Variants in WDFY2 observed in about 807,000 individuals in gnomAD.
WDFY2 encodes WD repeat and FYVE domain containing 2, also known as WD repeat and FYVE domain-containing protein 2.
Under a neutral mutation model 56.4 loss-of-function variants are expected in WDFY2, and 36 were observed. The ratio of observed to expected loss-of-function variants is 0.64; its 90% CI spans 0.49 to 0.84. The LOEUF is 0.84. WDFY2 is among the 40% of genes least tolerant of loss of function. The pLI is 0.00. For missense variants in WDFY2, 444 were observed against 512.2 expected, an observed-to-expected ratio of 0.87 and a Z score of 1.29; for synonymous variants, 176 against 183.7, an observed-to-expected ratio of 0.96 and a Z score of 0.34.
chr13:51,695,339 G>T (rs1237173177), intron 3 of WDFY2, among the ~76,000 whole-genome samples: 1 of 152,138 alleles, frequency 6.6e-6, no homozygotes, highest in Non-Finnish European at 1.5e-5. Context: ...TTTGATGATG[G>T]TGATGTACAG....
At chr13:51,622,768 G>A (rs1954758369) in intron 1 of WDFY2, among the ~76,000 whole-genome samples, 1 of 151,924 alleles carries the variant, frequency 6.6e-6, no homozygotes, top group African/African-American at 2.4e-5. Context: ...AATAGTTACA[G>A]TAGAGTAGGG....
chr13:51,676,520 A>G (rs1168375892), intron 3 of WDFY2, among the ~76,000 whole-genome samples: 4 of 152,208 alleles, frequency 2.6e-5, no homozygotes, highest in African/African-American at 9.6e-5. Flanking sequence ...ACATGTAAAC[A>G]TGGAATGTGG....
chr13:51,629,277 A>T (rs778636962), intron 1 of WDFY2, among the ~76,000 whole-genome samples: 5 of 152,210 alleles, frequency 3.3e-5, no homozygotes, highest in Non-Finnish European at 7.3e-5. Flanking sequence ...ATTACAGTAG[A>T]TTTAGGAATG....
intron 1 of WDFY2, among the ~76,000 whole-genome samples, chr13:51,621,778 A>T (rs17075849): frequency 0.12 from 18,053 of 152,124 alleles, 1,564 homozygotes; most frequent in African/African-American, 0.21. Flanking sequence ...TGCAGTTAAG[A>T]TTAGACTGGT....
chr13:51,759,673 C>A, intron 11 of WDFY2, 67 bp from the exon 12 acceptor site: 3 of 1,508,408 alleles, frequency 2.0e-6, no homozygotes, highest in African/African-American at 1.4e-5. Flanking sequence ...TTGAAGAATT[C>A]AGTTCTAAGG....
intron 1 of WDFY2, among the ~76,000 whole-genome samples, chr13:51,604,025 C>A (rs188893292): frequency 7.2e-5 from 11 of 152,184 alleles, no homozygotes; most frequent in African/African-American, 2.6e-4. Flanking sequence ...GAATGCGGAC[C>A]CAGTGTCTCC....
At chr13:51,688,054 A>T (rs1244929741) in intron 3 of WDFY2, among the ~76,000 whole-genome samples, 1 of 152,194 alleles carries the variant, frequency 6.6e-6, no homozygotes, top group East Asian at 1.9e-4. Flanking sequence ...GGATCTGATG[A>T]CTAAATGTGT....
intron 3 of WDFY2, among the ~76,000 whole-genome samples, chr13:51,694,821 A>G (rs1010199228): frequency 2.0e-5 from 3 of 152,092 alleles, no homozygotes; most frequent in African/African-American, 4.8e-5. Context: ...AGGTACACCA[A>G]TCAGACGTAG....
Position 51,694,220 on chromosome 13 carries a change from G to A in WDFY2, c.280-9376G>A, listed in dbSNP as rs1028356475. On this transcript the variant is annotated intron_variant, in intron 3 of 11. Coordinates refer to ENST00000298125, the MANE Select transcript of WDFY2 (RefSeq NM_052950.4). ...TATTTTTATGTGTGAATTTGATCCT[G>A]TCATTATGATGTTAGCTGGTTATTT... Among the ~76,000 whole-genome samples, 11 of 152,286 alleles carry A rather than the reference G, an allele frequency of 7.2e-5. No homozygotes were observed. In the South Asian group the frequency reaches 2.3e-3, roughly 32 times the overall value.
intron 3 of WDFY2, among the ~76,000 whole-genome samples, chr13:51,676,217 A>G (rs1797479503): frequency 6.6e-6 from 1 of 152,170 alleles, no homozygotes; most frequent in South Asian, 2.1e-4. Flanking sequence ...TAGAAAGATA[A>G]AACCAGTGAG....
chr13:51,716,660 T>C (rs1593444694), intron 4 of WDFY2, among the ~76,000 whole-genome samples: 2 of 121,408 alleles, frequency 1.6e-5, no homozygotes, highest in African/African-American at 3.3e-5. Flanking sequence ...GCCACTGCAC[T>C]CCAGCCTGGG....
intron 1 of WDFY2, among the ~76,000 whole-genome samples, chr13:51,648,429 T>C (rs912819982): frequency 5.3e-5 from 8 of 152,298 alleles, no homozygotes; most frequent in African/African-American, 1.4e-4. Context: ...TCACAAACAA[T>C]GAGCACCACT....
intron 1 of WDFY2, among the ~76,000 whole-genome samples, chr13:51,595,289 T>C (rs1332041641): frequency 1.3e-5 from 2 of 152,204 alleles, no homozygotes; most frequent in African/African-American, 2.4e-5. Flanking sequence ...ACTAAATTGT[T>C]CTTAACCGGA....
chr13:51,622,386 A>G (rs1954748546), intron 1 of WDFY2, among the ~76,000 whole-genome samples: 2 of 152,254 alleles, frequency 1.3e-5, no homozygotes, highest in African/African-American at 4.8e-5. Context: ...ATAAGCCCAC[A>G]TACATTTCTT....
At chr13:51,644,632 C>A (rs1330924328) in intron 1 of WDFY2, among the ~76,000 whole-genome samples, 1 of 152,110 alleles carries the variant, frequency 6.6e-6, no homozygotes, top group Non-Finnish European at 1.5e-5. Context: ...GCAAGAGTGC[C>A]ATTAAAAGCC....
At chr13:51,679,767 T>C (rs950000521) in intron 3 of WDFY2, among the ~76,000 whole-genome samples, 2 of 152,188 alleles carry the variant, frequency 1.3e-5, no homozygotes, top group Non-Finnish European at 2.9e-5. Context: ...ATGCTCCTTC[T>C]GAAAGCTGTA....
intron 1 of WDFY2, among the ~76,000 whole-genome samples, chr13:51,657,881 T>C (rs1405898406): frequency 6.6e-6 from 1 of 152,238 alleles, no homozygotes; most frequent in Non-Finnish European, 1.5e-5. Flanking sequence ...TTCTTTGTCT[T>C]TTTAAAACTG....
At chr13:51,739,563 C>G (rs1405143463) in intron 7 of WDFY2, among the ~76,000 whole-genome samples, 4 of 152,096 alleles carry the variant, frequency 2.6e-5, no homozygotes, top group African/African-American at 9.7e-5. Flanking sequence ...AGCTCCTTGG[C>G]AGCATACGGA....
intron 1 of WDFY2, among the ~76,000 whole-genome samples, chr13:51,598,098 G>A (rs567689038): frequency 3.1e-4 from 47 of 152,236 alleles, no homozygotes; most frequent in African/African-American, 1.1e-3. Flanking sequence ...GGTGGCTCAC[G>A]CCTGTAATCC....
Sources: gnomAD v4.1 joint callset for allele counts (sites outside exome capture counted in the v4.1 genomes callset) on GRCh38, gnomAD v4.1.1 for gene constraint, MANE v1.5 for transcripts, NCBI Gene and HGNC (gene_info 2026-07-23, HGNC 2026-07-21) for gene names.